DNM2: variants seen among roughly 807,000 people sequenced by gnomAD.
The protein encoded by DNM2 is dynamin-2.
In DNM2, 15 loss-of-function variants were observed where a neutral mutation model predicts 99.0. The observed-to-expected ratio is 0.15, with a 90% confidence interval of 0.10 to 0.23. DNM2 has a LOEUF of 0.23. Ranked by LOEUF, DNM2 falls within the 10% of genes least tolerant of loss-of-function variation. The pLI is 1.00. For missense variants in DNM2, 742 were observed against 1,189.4 expected (o/e 0.62, Z 5.53); for synonymous variants, 525 against 481.2 (o/e 1.09, Z -1.19).
At chr19:10,802,156 C>T in intron 11 of DNM2, 132 bp from the exon 12 acceptor site, 2 of 886,930 alleles carry the variant, frequency 2.3e-6, no homozygotes, top group Non-Finnish European at 3.7e-6. Context: ...CGACGCCAGC[C>T]CCTGTTCTCC....
At chr19:10,749,122 C>T (rs1203098552) in intron 1 of DNM2, among the ~76,000 whole-genome samples, 1 of 152,184 alleles carries the variant, frequency 6.6e-6, no homozygotes, top group Non-Finnish European at 1.5e-5. Flanking sequence ...GGTGGCTTGC[C>T]CTGGGGTGCT....
intron 1 of DNM2, among the ~76,000 whole-genome samples, chr19:10,736,244 AAC>A (rs1175831335): frequency 1.3e-5 from 2 of 151,320 alleles, no homozygotes; most frequent in African/African-American, 4.9e-5. Context: ...CAGCCTGGGC[AAC>A]AGAGTGAGAC....
At position 10,767,030 on chromosome 19, in the gene DNM2, T is replaced by G. The variant is rs578054952; in HGVS notation, c.236-5449T>G. 9.8e-4 allele frequency among the ~76,000 whole-genome samples: 149 copies of G among 152,194 alleles called. 1 individual carries two copies. In the South Asian group the frequency reaches 0.028, roughly 29 times the overall value. On this transcript the variant is annotated intron_variant, in intron 2 of 20. Transcript: ENST00000389253. ...GCCGAGGAATTACAGGAACTGGCTT[T>G]GGTATCTGGAAATGCCTGTCTGCAG...
intron 2 of DNM2, among the ~76,000 whole-genome samples, chr19:10,762,217 T>C (rs530904800): frequency 1.3e-5 from 2 of 152,224 alleles, no homozygotes; most frequent in South Asian, 2.1e-4. Flanking sequence ...TTTGTGTTTT[T>C]AGTAGAGACA....
intron 6 of DNM2, 96 bp from the exon 7 acceptor site, chr19:10,786,468 A>C (rs1176137003): frequency 6.3e-7 from 1 of 1,590,370 alleles, no homozygotes; most frequent in Non-Finnish European, 8.6e-7. Context: ...GCATAGTGGC[A>C]CCCTGGTGTT....
In DNM2 at chr19:10,812,354, CTG is replaced by C; in HGVS notation, c.1650_1651del (p.Ser551LeufsTer5). On this transcript the variant is annotated frameshift_variant, in exon 15 of 21. Coordinates refer to ENST00000389253, the MANE Select transcript of DNM2 (RefSeq NM_001005361.3). LOFTEE classifies it high-confidence loss of function. The surrounding 1 kb of genome is among the most constrained non-coding windows in gnomAD (Gnocchi z 4.0). ...EYWFVLTAESLSWYKDEEEKE... is the reference protein window; with the variant it reads ...EYWFVLTAESXSWYKDEEEKE... ...CTGGTTTGTGCTGACTGCCGAGTCA[CTG>C]TCCTGGTACAAGGATGAGGAGGTGA... The C allele has an allele frequency of 6.2e-7, 1 of 1,609,612 alleles. No homozygotes were observed. Among genetic ancestry groups the C allele is most frequent in the Non-Finnish European group, 8.5e-7 (1 of 1,177,542 alleles).
At position 10,765,425 on chromosome 19, in the gene DNM2, G is replaced by C. The variant is rs2070768334; in HGVS notation, c.235+5614G>C. ...CCTTCTTGCCTACTGGGCGGGAAGTGATGGGGGTTACTTTACCAAGCATCT... is the reference window on the plus strand; with the variant it reads ...CCTTCTTGCCTACTGGGCGGGAAGTCATGGGGGTTACTTTACCAAGCATCT... On this transcript the variant is annotated intron_variant, in intron 2 of 20. Coordinates refer to ENST00000389253, the MANE Select transcript of DNM2 (RefSeq NM_001005361.3). The surrounding 1 kb of genome is among the most constrained non-coding windows in gnomAD (Gnocchi z 4.4). 6.6e-6 allele frequency among the ~76,000 whole-genome samples: 1 copy of C among 152,194 alleles called. No homozygotes were observed. Among genetic ancestry groups the C allele is most frequent in the Non-Finnish European group, 1.5e-5 (1 of 68,030 alleles).
chr19:10,734,626 C>A, intron 1 of DNM2, among the ~76,000 whole-genome samples: 1 of 115,716 alleles, frequency 8.6e-6, no homozygotes, highest in Non-Finnish European at 1.7e-5. Flanking sequence ...GCAACAGAGC[C>A]AGACCCTGTC....
rs368594105 is a variant in DNM2, at chr19:10,718,097, C to T, written c.-146C>T. 2.6e-4 allele frequency: 258 copies of T among 977,024 alleles called. 2 individuals are homozygous for T. The African/African-American group carries it at 3.9e-3, about 15-fold the overall frequency. The allele number at this position is 977,024 out of a possible 1,614,324, so 60.5% of individuals were successfully genotyped here. A position where few individuals can be genotyped will look rare whatever the true frequency, so the allele number is the denominator to read the frequency against. Reference sequence around the variant, plus strand: ...GTCGCCTGAGAACCGGATGAGGCGGCGACCGTGAGGCCGAGCCGGGAGCGG... The same window carrying T: ...GTCGCCTGAGAACCGGATGAGGCGGTGACCGTGAGGCCGAGCCGGGAGCGG... On this transcript the variant is annotated 5_prime_UTR_variant, in exon 1 of 21. An upstream open reading frame in the 5' UTR gains an earlier in-frame stop. Coordinates refer to ENST00000389253, the MANE Select transcript of DNM2 (RefSeq NM_001005361.3).
At chr19:10,735,151 C>T (rs778391600) in intron 1 of DNM2, among the ~76,000 whole-genome samples, 1 of 152,162 alleles carries the variant, frequency 6.6e-6, no homozygotes, top group African/African-American at 2.4e-5. Flanking sequence ...TCACGCCATT[C>T]TCCTGCCTCA....
Position 10,772,448 on chromosome 19 carries a change from C to G in DNM2, c.236-31C>G, listed in dbSNP as rs368990548. ...ATGCGCACCCTGCCCACAGCTCTTT[C>G]TCATTTTCAGCATCTCTCTTCCCTT... On this transcript the variant is annotated intron_variant, in intron 2 of 20. Transcript: ENST00000389253. This position sits in a 1 kb window ranked among gnomAD's most constrained non-coding sequence, Gnocchi z 4.9. 3.0e-5 allele frequency: 48 copies of G among 1,613,264 alleles called. No individual in the cohort carries two copies. In the African/African-American group the frequency reaches 5.5e-4, roughly 18 times the overall value.
rs752357434 is a variant in DNM2, at chr19:10,830,194, C to G, written c.2359C>G (p.Pro787Ala). ...TGGCCGGCCCCCAGCAGTGAGGGGC[C>G]CCACTCCAGGGCCCCCCCTGATTCC... ...PPGRPPAVRG[P>A]TPGPPLIPVP... Residue 787 changes from proline (P) to alanine (A), a missense_variant, in exon 20 of 21, where the codon CCC becomes GCC. Physicochemically the swap from Pro to Ala is conservative, Grantham distance 27. Around this residue, in one of 7 missense-constraint regions of DNM2, gnomAD observed 187 missense variants for 218.8 expected, o/e 0.85. Coordinates refer to ENST00000389253, the MANE Select transcript of DNM2 (RefSeq NM_001005361.3). This position sits in a 1 kb window ranked among gnomAD's most constrained non-coding sequence, Gnocchi z 4.8. 1.2e-6 allele frequency: 2 copies of G among 1,613,802 alleles called. No individual in the cohort carries two copies.
intron 11 of DNM2, among the ~76,000 whole-genome samples, chr19:10,801,359 C>A (rs2072134375): frequency 6.6e-6 from 1 of 151,944 alleles, no homozygotes; most frequent in Admixed American, 6.6e-5. Flanking sequence ...GTGGTTCACA[C>A]CTGTAATCCC....
At chr19:10,743,416 T>G (rs2069832491) in intron 1 of DNM2, among the ~76,000 whole-genome samples, 1 of 151,960 alleles carries the variant, frequency 6.6e-6, no homozygotes, top group Non-Finnish European at 1.5e-5. Context: ...GGCTCACACC[T>G]GTAATCCCAG....
At chr19:10,718,729 AT>A (rs1376268259) in intron 1 of DNM2, 1 of 213,096 alleles carries the variant, frequency 4.7e-6, no homozygotes, top group African/African-American at 2.3e-5. Context: ...TCTGGGGTAG[AT>A]CCCTCTTCTG....
At chr19:10,731,739 C>A (rs2069327985) in intron 1 of DNM2, among the ~76,000 whole-genome samples, 1 of 152,212 alleles carries the variant, frequency 6.6e-6, no homozygotes, top group Admixed American at 6.5e-5. Flanking sequence ...CGAAGGCTTC[C>A]TGTGGTTTGG....
chr19:10,751,259 C>A (rs1361200324), intron 1 of DNM2, among the ~76,000 whole-genome samples: 1 of 152,030 alleles, frequency 6.6e-6, no homozygotes, highest in African/African-American at 2.4e-5. Context: ...GGCCAGGAAG[C>A]CCGCCCAGGA....
chr19:10,754,615 A>G (rs951466524), intron 1 of DNM2, among the ~76,000 whole-genome samples: 3 of 150,698 alleles, frequency 2.0e-5, no homozygotes, highest in Non-Finnish European at 4.4e-5. Context: ...TTTTGGAGAC[A>G]GTCTCCCTCT....
Position 10,795,211 on chromosome 19 carries a change from G to A in DNM2, c.1129-161G>A, listed in dbSNP as rs796514622. 3.3e-5 allele frequency among the ~76,000 whole-genome samples: 5 copies of A among 152,334 alleles called. No homozygotes were observed. Among genetic ancestry groups the A allele is most frequent in the African/African-American group, 1.2e-4 (5 of 41,582 alleles). On this transcript the variant is annotated intron_variant, in intron 8 of 20. Transcript: ENST00000389253. This position sits in a 1 kb window ranked among gnomAD's most constrained non-coding sequence, Gnocchi z 4.2. ...GCTGAGATTACAGGTGTGAGCCACTGTATCTGGCCAGTTTTCAATTTTTTA... is the reference window on the plus strand; with the variant it reads ...GCTGAGATTACAGGTGTGAGCCACTATATCTGGCCAGTTTTCAATTTTTTA...
Sources: gnomAD v4.1 joint callset for allele counts (sites outside exome capture counted in the v4.1 genomes callset) on GRCh38, gnomAD v4.1.1 for gene constraint, gnomAD v4.1.1 regional missense constraint, Gnocchi (gnomAD v3.1) non-coding constraint, MANE v1.5 for transcripts, NCBI Gene and HGNC (gene_info 2026-07-23, HGNC 2026-07-21) for gene names.